Variants in RNF214 observed in about 807,000 individuals in gnomAD.
The protein encoded by RNF214 is ring finger protein 214.
A neutral mutation model predicts 75.9 loss-of-function variants in RNF214; 25 were observed. The ratio of observed to expected loss-of-function variants is 0.33; its 90% CI spans 0.24 to 0.46. RNF214 has a LOEUF of 0.46. Among genes scored for constraint, RNF214 ranks in the 20% least tolerant of loss-of-function variants. RNF214 has a pLI of 1.00. For synonymous variants in RNF214, 314 were observed against 308.8 expected, an observed-to-expected ratio of 1.02 and a Z score of -0.18; for missense variants, 725 against 857.5, an observed-to-expected ratio of 0.85 and a Z score of 1.93.
rs1318027466 is a variant in RNF214, at chr11:117,267,745, TA to T, written c.960-12162del. Among the ~76,000 whole-genome samples the T allele has an allele frequency of 4.6e-5, 7 of 151,824 alleles. 1 individual carries two copies. Among genetic ancestry groups the T allele is most frequent in the Non-Finnish European group, 7.4e-5 (5 of 67,958 alleles). The stretch of plus-strand genomic sequence containing the variant: ...TCATGTCTGAAAAAAAAAAAAGGCT[TA>T]TTTTTTTGGTTATAAATATACATAC... On this transcript the variant is annotated intron_variant, in intron 6 of 14. Transcript: ENST00000300650.
chr11:117,282,027 A>T lies in RNF214; in HGVS notation c.1469A>T (p.Asn490Ile). 6.2e-7 allele frequency: 1 copy of T among 1,613,280 alleles called. No homozygotes were observed. The highest frequency in any genetic ancestry group is 8.5e-7 in the Non-Finnish European group (1 of 1,179,812). ...CGCTCCTTGTCTTTCCCAATCCTGA[A>T]CCCTGCCCTTTCCCAGCCCAGCCAG... Reference protein sequence around the residue: ...DPRSLSFPILNPALSQPSQPS... With the variant: ...DPRSLSFPILIPALSQPSQPS... Residue 490 changes from asparagine to isoleucine, a missense_variant, in exon 11 of 15, where the codon AAC (asparagine) becomes ATC (isoleucine). Physicochemically the swap from Asn to Ile is moderately radical, Grantham distance 149 (BLOSUM62 -3). This residue lies in a region of RNF214 where 363 missense variants were observed against 513.0 expected (regional missense o/e 0.71). Transcript: ENST00000300650.
intron 2 of RNF214, 112 bp from the exon 3 acceptor site, chr11:117,238,489 C>CT (rs532707066): frequency 1.1e-6 from 1 of 924,810 alleles, no homozygotes; most frequent in Non-Finnish European, 1.6e-6. Flanking sequence ...TGGATTGAAA[C>CT]TAAGTTCTTT....
chr11:117,280,298 A>AGTTT (rs3832781), intron 8 of RNF214, 39 bp downstream of exon 8: 192,443 of 1,308,848 alleles, frequency 0.15, 17,474 homozygotes, highest in East Asian at 0.21. Context: ...ATTGTTTTGC[A>AGTTT]GTTTGTTTGT....
chr11:117,283,452 T>G (rs1187394560), intron 14 of RNF214, among the ~76,000 whole-genome samples: 6 of 151,794 alleles, frequency 4.0e-5, no homozygotes, highest in Non-Finnish European at 8.8e-5. Flanking sequence ...CCTCCACCTC[T>G]CAGGTTCAAG....
chr11:117,281,576 A>T lies in RNF214; in HGVS notation c.1237-24A>T, dbSNP rs550291839. ...AGAGAGCCTGAGTCAGTTCAGCAGT[A>T]AAAATAATCCTTTTTTTTTTTAGGA... On this transcript the variant is annotated intron_variant, in intron 9 of 14. Coordinates refer to ENST00000300650, the MANE Select transcript of RNF214 (RefSeq NM_207343.4). The T allele has an allele frequency of 3.8e-6, 6 of 1,565,776 alleles. No homozygotes were observed. In the African/African-American group the frequency reaches 8.1e-5, roughly 21 times the overall value.
intron 5 of RNF214, among the ~76,000 whole-genome samples, chr11:117,246,068 C>G (rs2134367391): frequency 6.6e-6 from 1 of 152,190 alleles, no homozygotes; most frequent in South Asian, 2.1e-4. Context: ...TGGGCTCGAG[C>G]TATCCTTCCA....
At chr11:117,239,776 TA>T in intron 3 of RNF214, 24 bp from the exon 4 acceptor site, 1 of 1,338,836 alleles carries the variant, frequency 7.5e-7, no homozygotes, top group Non-Finnish European at 1.1e-6. Context: ...TGAACGATTC[TA>T]AATATAACTT....
chr11:117,244,224 G>A (rs533702643), intron 4 of RNF214, among the ~76,000 whole-genome samples: 2 of 151,888 alleles, frequency 1.3e-5, no homozygotes, highest in African/African-American at 4.8e-5. Flanking sequence ...CAAGTGATCC[G>A]CCCGCCTCAG....
intron 2 of RNF214, 150 bp from the exon 3 acceptor site, chr11:117,238,451 T>TA: frequency 1.4e-6 from 1 of 733,248 alleles, no homozygotes; most frequent in Non-Finnish European, 2.2e-6. Context: ...CACCAGGCTA[T>TA]ACTACCTGCA....
At chr11:117,262,707 TTGTG>T (rs57686552) in intron 6 of RNF214, among the ~76,000 whole-genome samples, 39 of 147,644 alleles carry the variant, frequency 2.6e-4, no homozygotes, top group Non-Finnish European at 4.6e-4. Flanking sequence ...TTGAGGAACG[TTGTG>T]TGTGTGTGTG....
In RNF214 at chr11:117,238,909, G is replaced by T; in HGVS notation, c.416G>T (p.Cys139Phe). ...GTCACTCGGTCTCTTAAGGCAGGGT[G>T]CCATACTAAGCAGCTTGCCTCCAGG... ...HPVTRSLKAG[C>F]HTKQLASRNC... The change falls in exon 3 of 15, where the codon TGC becomes TTC. Residue 139 changes from cysteine (C) to phenylalanine (F), a missense_variant. By Grantham distance (205) the Cys-to-Phe change is radical. Transcript: ENST00000300650. 6.2e-7 allele frequency: 1 copy of T among 1,614,184 alleles called. No homozygotes were observed. Among genetic ancestry groups the T allele is most frequent in the Non-Finnish European group, 8.5e-7 (1 of 1,180,034 alleles).
chr11:117,281,818 A>G, intron 10 of RNF214, 76 bp from the exon 11 acceptor site: 2 of 1,554,684 alleles, frequency 1.3e-6, no homozygotes, highest in Non-Finnish European at 1.8e-6. Context: ...AGAGTTGTTC[A>G]TTGATGTCTT....
intron 6 of RNF214, among the ~76,000 whole-genome samples, chr11:117,260,927 T>C (rs908021703): frequency 6.7e-6 from 1 of 149,900 alleles, no homozygotes; most frequent in Admixed American, 6.7e-5. Flanking sequence ...GTGCTGGGAT[T>C]ACAGGCGTGA....
intron 6 of RNF214, among the ~76,000 whole-genome samples, chr11:117,256,368 T>A (rs149831480): frequency 2.6e-5 from 4 of 152,340 alleles, no homozygotes; most frequent in African/African-American, 9.6e-5. Flanking sequence ...TTTCTCACAA[T>A]TCTTTGGGTG....
intron 6 of RNF214, among the ~76,000 whole-genome samples, chr11:117,258,951 A>G (rs1218438478): frequency 6.6e-6 from 1 of 151,844 alleles, no homozygotes; most frequent in African/African-American, 2.4e-5. Context: ...TGTTTATTCT[A>G]TTTTATTTTA....
intron 6 of RNF214, among the ~76,000 whole-genome samples, chr11:117,263,108 C>G (rs1412724192): frequency 6.9e-6 from 1 of 145,588 alleles, no homozygotes; most frequent in Non-Finnish European, 1.5e-5. Context: ...CGCCCAGCCA[C>G]TTTTTTTTTT....
chr11:117,279,726 C>T (rs541004102), intron 6 of RNF214, among the ~76,000 whole-genome samples, 182 bp from the exon 7 acceptor site: 3 of 152,338 alleles, frequency 2.0e-5, no homozygotes, highest in East Asian at 3.9e-4. Context: ...GATACTTATA[C>T]TCCAGCTCTC....
intron 5 of RNF214, among the ~76,000 whole-genome samples, chr11:117,246,254 G>C (rs544957204): frequency 1.3e-5 from 2 of 150,876 alleles, no homozygotes; most frequent in Admixed American, 1.3e-4. Context: ...ATGAGCTACT[G>C]TGCCTGGCCT....
chr11:117,244,251 A>C (rs1270707831), intron 4 of RNF214, among the ~76,000 whole-genome samples, 194 bp from the exon 5 acceptor site: 2 of 152,028 alleles, frequency 1.3e-5, no homozygotes, highest in Non-Finnish European at 1.5e-5. Context: ...AAAGTACTAC[A>C]GTTATAGGTG....
Sources: gnomAD v4.1 joint callset for allele counts (sites outside exome capture counted in the v4.1 genomes callset) on GRCh38, gnomAD v4.1.1 for gene constraint, gnomAD v4.1.1 regional missense constraint, MANE v1.5 for transcripts, NCBI Gene and HGNC (gene_info 2026-07-23, HGNC 2026-07-21) for gene names.